Variants in RALGAPA2 observed in about 807,000 individuals in gnomAD.
RALGAPA2 encodes ral GTPase-activating protein subunit alpha-2.
A neutral mutation model predicts 230.4 loss-of-function variants in RALGAPA2; 139 were observed. The ratio of observed to expected loss-of-function variants is 0.60; its 90% confidence interval spans 0.53 to 0.69. The LOEUF is 0.69. Ranked by LOEUF, RALGAPA2 falls within the 30% of genes least tolerant of loss-of-function variation. The pLI, the probability that RALGAPA2 is intolerant of heterozygous loss-of-function variation, is 0.00. For synonymous variants in RALGAPA2, 847 were observed against 837.8 expected, an observed-to-expected ratio of 1.01 and a Z score of -0.19; for missense variants, 2,163 against 2,276.0, an observed-to-expected ratio of 0.95 and a Z score of 1.01.
intron 9 of RALGAPA2, among the ~76,000 whole-genome samples, chr20:20,630,041 C>T (rs963817509): frequency 6.6e-6 from 1 of 152,152 alleles, no homozygotes; most frequent in African/African-American, 2.4e-5. Context: ...TATGACTAAG[C>T]GGCAGCTTGA....
intron 1 of RALGAPA2, among the ~76,000 whole-genome samples, chr20:20,711,047 C>G (rs1410368786): frequency 6.6e-6 from 1 of 152,218 alleles, no homozygotes; most frequent in Non-Finnish European, 1.5e-5. Flanking sequence ...CCACACTTCA[C>G]TCTCAAAAGT....
intron 24 of RALGAPA2, among the ~76,000 whole-genome samples, chr20:20,545,432 T>C (rs1184593436): frequency 6.6e-6 from 1 of 152,204 alleles, no homozygotes; most frequent in Non-Finnish European, 1.5e-5. Flanking sequence ...TGTTTTCTAA[T>C]TTATCTTTAT....
Position 20,498,060 on chromosome 20 carries a change from C to T in RALGAPA2, c.5209-2785G>A, listed in dbSNP as rs1324048180. Among the ~76,000 whole-genome samples the T allele has an allele frequency of 5.9e-5, 9 of 152,124 alleles. No individual in the cohort carries two copies. The South Asian group carries it at 6.2e-4, about 11-fold the overall frequency. ...AAACTGTCAACCATGTCAGAACATA[C>T]GGAATACTCTGGATGGCTCAAAGTG... is the stretch of plus-strand genomic sequence containing the variant. On this transcript the variant is annotated intron_variant, in intron 35 of 39. Coordinates refer to ENST00000202677, the MANE Select transcript of RALGAPA2 (RefSeq NM_020343.4).
chr20:20,461,344 T>C, intron 37 of RALGAPA2, among the ~76,000 whole-genome samples: 1 of 152,256 alleles, frequency 6.6e-6, no homozygotes, highest in East Asian at 1.9e-4. Flanking sequence ...ACTGATATTC[T>C]TATTAAAATT....
intron 23 of RALGAPA2, among the ~76,000 whole-genome samples, chr20:20,554,493 G>A (rs2064022847): frequency 6.6e-6 from 1 of 152,140 alleles, no homozygotes; most frequent in Non-Finnish European, 1.5e-5. Flanking sequence ...ATGATGCTGA[G>A]TATCTTTTCA....
At chr20:20,630,237 C>G (rs2066626283) in intron 9 of RALGAPA2, among the ~76,000 whole-genome samples, 2 of 152,170 alleles carry the variant, frequency 1.3e-5, no homozygotes, top group Non-Finnish European at 2.9e-5. Context: ...CTGATTTCTG[C>G]TCTCGTATCC....
chr20:20,611,304 A>C lies in RALGAPA2; in HGVS notation c.1800+11T>G. The C allele has an allele frequency of 6.3e-7, 1 of 1,592,808 alleles. No individual in the cohort carries two copies. Among genetic ancestry groups the C allele is most frequent in the Non-Finnish European group, 8.6e-7 (1 of 1,168,814 alleles). On this transcript the variant is annotated intron_variant, in intron 14 of 39. Transcript: ENST00000202677. Reference sequence around the variant, plus strand: ...TCTTGCATTTGCAGTGCTTTCATAAAAAAGACTTACCCTAAATAGTAACCC... The same window carrying C: ...TCTTGCATTTGCAGTGCTTTCATAACAAAGACTTACCCTAAATAGTAACCC...
intron 20 of RALGAPA2, among the ~76,000 whole-genome samples, chr20:20,576,478 A>C (rs1236309766): frequency 1.3e-5 from 2 of 152,058 alleles, no homozygotes; most frequent in African/African-American, 4.8e-5. Flanking sequence ...TCTTTCTCAT[A>C]GGCTTTTCTT....
At chr20:20,522,130 G>C (rs2063061296) in intron 30 of RALGAPA2, among the ~76,000 whole-genome samples, 2 of 151,976 alleles carry the variant, frequency 1.3e-5, no homozygotes, top group Admixed American at 1.3e-4. Flanking sequence ...CACACGTTAT[G>C]TGTAAACTAG....
chr20:20,552,521 G>A (rs2063956878), intron 23 of RALGAPA2, among the ~76,000 whole-genome samples: 1 of 152,162 alleles, frequency 6.6e-6, no homozygotes, highest in African/African-American at 2.4e-5. Flanking sequence ...TTGGTAAAGA[G>A]GGGAAGGTTG....
chr20:20,536,011 A>G (rs2063489343), intron 25 of RALGAPA2, among the ~76,000 whole-genome samples: 1 of 152,232 alleles, frequency 6.6e-6, no homozygotes, highest in African/African-American at 2.4e-5. Context: ...GGGCCTCCTT[A>G]GGCCATTCAG....
rs2064694180 is a variant in RALGAPA2 at position 20,572,929 on chromosome 20, C to A, written c.2847G>T (p.Lys949Asn). ...LGDVNNIQSP[K>N]IHARVFCYLY... The stretch of plus-strand genomic sequence containing the variant: ...GATAGCAGAAAACTCTGGCATGGAT[C>A]TTGGGTGACTGGATGTTATTCACAT... The change falls in exon 21 of 40, where the codon AAG becomes AAT. Residue 949 changes from lysine (K) to asparagine (N), a missense_variant. Coordinates refer to ENST00000202677, the MANE Select transcript of RALGAPA2 (RefSeq NM_020343.4). The A allele has an allele frequency of 6.4e-7, 1 of 1,573,386 alleles. No individual in the cohort carries two copies. The highest frequency in any genetic ancestry group is 8.6e-7 in the Non-Finnish European group (1 of 1,158,608).
At chr20:20,680,849 C>G (rs1266678927) in intron 1 of RALGAPA2, 48 bp from the exon 2 acceptor site, 2 of 1,513,418 alleles carry the variant, frequency 1.3e-6, no homozygotes, top group South Asian at 1.3e-5. Context: ...TATAAAATCA[C>G]AAGAATTTAG....
chr20:20,460,552 C>T (rs985327306), intron 37 of RALGAPA2, among the ~76,000 whole-genome samples: 3 of 152,208 alleles, frequency 2.0e-5, no homozygotes, highest in Non-Finnish European at 4.4e-5. Flanking sequence ...AGAACCAAGA[C>T]TTGACCATAA....
chr20:20,639,906 A>C lies in RALGAPA2; in HGVS notation c.551-6T>G, dbSNP rs895665881. 4 of 1,587,848 alleles carry C rather than the reference A, an allele frequency of 2.5e-6. No individual in the cohort carries two copies. The highest frequency in any genetic ancestry group is 3.5e-6 in the Non-Finnish European group (4 of 1,157,394). The stretch of plus-strand genomic sequence containing the variant: ...TTCTTCTGGATATATCTTTACTGAA[A>C]GGACAGAAAATGATGACAGCTCATT... On this transcript the variant is annotated splice_region_variant and splice_polypyrimidine_tract_variant and intron_variant, in intron 6 of 39. Transcript: ENST00000202677.
intron 14 of RALGAPA2, among the ~76,000 whole-genome samples, chr20:20,607,306 T>C (rs1217289077): frequency 6.6e-6 from 1 of 152,206 alleles, no homozygotes; most frequent in East Asian, 1.9e-4. Flanking sequence ...AATACGCCTG[T>C]TCTCTGTTTC....
At chr20:20,399,067 G>A (rs922421358) in intron 38 of RALGAPA2, among the ~76,000 whole-genome samples, 6 of 152,144 alleles carry the variant, frequency 3.9e-5, no homozygotes, top group Admixed American at 1.3e-4. Flanking sequence ...TGTGACAGCC[G>A]GGCACGGTGG....
intron 3 of RALGAPA2, among the ~76,000 whole-genome samples, chr20:20,671,891 C>T (rs2068146823): frequency 6.6e-6 from 1 of 151,952 alleles, no homozygotes; most frequent in Non-Finnish European, 1.5e-5. Flanking sequence ...TTGAAGAACA[C>T]AGAGAAACTA....
chr20:20,472,637 C>A, intron 37 of RALGAPA2, 192 bp downstream of exon 37: 1 of 452,994 alleles, frequency 2.2e-6, no homozygotes, highest in Non-Finnish European at 3.6e-6. Context: ...AAGTTTAATG[C>A]AGCATAAAAT....
Sources: allele counts gnomAD v4.1 joint callset (sites outside exome capture counted in the v4.1 genomes callset), GRCh38; gene constraint gnomAD v4.1.1; transcripts MANE v1.5; gene names NCBI Gene and HGNC (gene_info 2026-07-23, HGNC 2026-07-21).